CAPZB: variants seen among roughly 807,000 people sequenced by gnomAD.
CAPZB encodes the protein F-actin-capping protein subunit beta.
A neutral mutation model predicts 38.1 loss-of-function variants in CAPZB; 2 were observed. The ratio of observed to expected loss-of-function variants is 0.05; its 90% CI spans 0.02 to 0.17. The LOEUF is 0.17. Among genes scored for constraint, CAPZB ranks in the 10% least tolerant of loss-of-function variants. CAPZB has a pLI of 1.00. For synonymous variants in CAPZB, 107 were observed against 127.4 expected (o/e 0.84, Z 1.08); for missense variants, 161 against 334.2 (o/e 0.48, Z 4.04).
At chr1:19,481,685 G>T (rs1252754180) in intron 1 of CAPZB, among the ~76,000 whole-genome samples, 2 of 152,148 alleles carry the variant, frequency 1.3e-5, no homozygotes, top group East Asian at 3.8e-4. Context: ...GCAGAGGAGC[G>T]GACTGCGTGC....
intron 1 of CAPZB, among the ~76,000 whole-genome samples, chr1:19,483,009 A>AT (rs2094635403): frequency 6.6e-6 from 1 of 152,194 alleles, no homozygotes; most frequent in African/African-American, 2.4e-5. Flanking sequence ...TGCCAAAGAG[A>AT]ACATTCCAAG....
At chr1:19,353,861 C>CA (rs1195194388) in intron 6 of CAPZB, among the ~76,000 whole-genome samples, 2 of 152,244 alleles carry the variant, frequency 1.3e-5, no homozygotes, top group African/African-American at 2.4e-5. Context: ...AGCCTTGACG[C>CA]CGTGTGCGGC....
chr1:19,436,680 A>G (rs2100609105), intron 1 of CAPZB, among the ~76,000 whole-genome samples: 1 of 152,304 alleles, frequency 6.6e-6, no homozygotes, highest in East Asian at 1.9e-4. Context: ...CTAAGGAGGG[A>G]CAACTGCTAT....
intron 2 of CAPZB, among the ~76,000 whole-genome samples, chr1:19,390,731 C>A (rs2094229292): frequency 6.6e-6 from 1 of 152,152 alleles, no homozygotes; most frequent in Non-Finnish European, 1.5e-5. Context: ...AAAGAAAAAA[C>A]CCCAGAAGGT....
chr1:19,368,684 T>G (rs1198077637), intron 4 of CAPZB, among the ~76,000 whole-genome samples: 1 of 146,882 alleles, frequency 6.8e-6, no homozygotes, highest in Non-Finnish European at 1.5e-5. Context: ...TTTTTTTAAT[T>G]AGACATGGGG....
chr1:19,345,693 C>A (rs532003183), intron 6 of CAPZB, among the ~76,000 whole-genome samples: 1 of 152,288 alleles, frequency 6.6e-6, no homozygotes, highest in Non-Finnish European at 1.5e-5. Context: ...GCTGCTGCGC[C>A]CTGGCGCTCC....
rs11578837 is a variant in CAPZB, at chr1:19,459,348, A to C, written c.3+26088T>G. 2.3e-3 allele frequency among the ~76,000 whole-genome samples: 347 copies of C among 152,364 alleles called. 1 individual carries two copies. The highest frequency in any genetic ancestry group is 8.1e-3 in the African/African-American group (337 of 41,584). Reference sequence around the variant, plus strand: ...TTAGCAGTATCTCAGGGGTAGAATGAAAAGTCGTTAAAGTTGTTAAAGTTC... The same window carrying C: ...TTAGCAGTATCTCAGGGGTAGAATGCAAAGTCGTTAAAGTTGTTAAAGTTC... On this transcript the variant is annotated intron_variant, in intron 1 of 8. Coordinates refer to ENST00000264202, the MANE Select transcript of CAPZB (RefSeq NM_004930.5).
intron 2 of CAPZB, among the ~76,000 whole-genome samples, chr1:19,399,130 T>C (rs2094289431): frequency 6.6e-6 from 1 of 152,092 alleles, no homozygotes; most frequent in Non-Finnish European, 1.5e-5. Flanking sequence ...AGTGCTGGGA[T>C]TACAGGCATG....
chr1:19,412,633 G>C (rs917347836), intron 2 of CAPZB, among the ~76,000 whole-genome samples: 9 of 152,120 alleles, frequency 5.9e-5, no homozygotes, highest in African/African-American at 2.2e-4. Context: ...CTTGAGGCAG[G>C]CACCTGTGGA....
chr1:19,393,782 C>G (rs938819591), intron 2 of CAPZB, among the ~76,000 whole-genome samples: 6 of 152,258 alleles, frequency 3.9e-5, no homozygotes, highest in Non-Finnish European at 8.8e-5. Flanking sequence ...TCTCCTGCCC[C>G]TCACCACAGC....
chr1:19,419,676 G>A lies in CAPZB; in HGVS notation c.78C>T (p.Ser26=), dbSNP rs374782027. The A allele has an allele frequency of 6.9e-6, 11 of 1,591,410 alleles. No individual in the cohort carries two copies. Among genetic ancestry groups the A allele is most frequent in the African/African-American group, 6.7e-5 (5 of 74,308 alleles). Residue 26 remains serine, a synonymous_variant, in exon 2 of 9, where the codon AGC becomes AGT. Coordinates refer to ENST00000264202, the MANE Select transcript of CAPZB (RefSeq NM_004930.5). ...LPPQQIEKNL[S]DLIDLVPSLC... ...AGGCACGTACCAGGTCGATCAGGTC[G>A]CTGAGGTTTTTCTCGATTTGCTGGG... is the stretch of plus-strand genomic sequence containing the variant.
At chr1:19,369,899 C>T (rs983535555) in intron 4 of CAPZB, among the ~76,000 whole-genome samples, 4 of 152,190 alleles carry the variant, frequency 2.6e-5, no homozygotes, top group Non-Finnish European at 5.9e-5. Flanking sequence ...AAAAAGCCCC[C>T]GGGGCACCTG....
intron 2 of CAPZB, among the ~76,000 whole-genome samples, chr1:19,413,206 G>GTT (rs2094364769): frequency 6.6e-6 from 1 of 152,190 alleles, no homozygotes; most frequent in Non-Finnish European, 1.5e-5. Context: ...CCGTGGAGGA[G>GTT]AAGGCAAGGA....
chr1:19,369,761 G>T (rs1472547836), intron 4 of CAPZB, among the ~76,000 whole-genome samples: 3 of 152,220 alleles, frequency 2.0e-5, no homozygotes, highest in African/African-American at 7.2e-5. Flanking sequence ...GGGAGTGAAG[G>T]GGGATGTCCC....
At chr1:19,436,614 G>A (rs1391808261) in intron 1 of CAPZB, among the ~76,000 whole-genome samples, 1 of 152,118 alleles carries the variant, frequency 6.6e-6, no homozygotes, top group Non-Finnish European at 1.5e-5. Context: ...TATAGGGTTC[G>A]ATATTATCTG....
chr1:19,432,894 C>G (rs2094447064), intron 1 of CAPZB, among the ~76,000 whole-genome samples: 1 of 152,186 alleles, frequency 6.6e-6, no homozygotes, highest in Non-Finnish European at 1.5e-5. Flanking sequence ...TCTCTTCTCC[C>G]GGGATGAACA....
intron 2 of CAPZB, among the ~76,000 whole-genome samples, chr1:19,394,911 C>T (rs915252209): frequency 9.9e-5 from 15 of 152,058 alleles, no homozygotes; most frequent in South Asian, 6.2e-4. Flanking sequence ...TAGCGATGCA[C>T]GGTCTGATCC....
rs150035375 is a variant in CAPZB, at chr1:19,470,563, A to C, written c.3+14873T>G. 1.6e-4 allele frequency among the ~76,000 whole-genome samples: 25 copies of C among 152,362 alleles called. 1 individual carries two copies. Among genetic ancestry groups the C allele is most frequent in the African/African-American group, 6.0e-4 (25 of 41,592 alleles). On this transcript the variant is annotated intron_variant, in intron 1 of 8. Coordinates refer to ENST00000264202, the MANE Select transcript of CAPZB (RefSeq NM_004930.5). ...AGTTTATGTGGCAGAAAAGACTCACACAAGAGTGTAGAATCTAGATTCTAG... is the reference window on the plus strand; with the variant it reads ...AGTTTATGTGGCAGAAAAGACTCACCCAAGAGTGTAGAATCTAGATTCTAG...
intron 4 of CAPZB, chr1:19,374,513 C>T (rs1295208125): frequency 1.3e-5 from 2 of 152,378 alleles, no homozygotes; most frequent in East Asian, 1.9e-4. Flanking sequence ...CCCCCAACCA[C>T]CAGGGGCGCA....
Sources: allele counts gnomAD v4.1 joint callset (sites outside exome capture counted in the v4.1 genomes callset), GRCh38; gene constraint gnomAD v4.1.1; transcripts MANE v1.5; gene names NCBI Gene and HGNC (gene_info 2026-07-23, HGNC 2026-07-21).